The following TMCO5A variants were observed in gnomAD, a reference collection of about 807,000 sequenced individuals.
TMCO5A encodes transmembrane and coiled-coil domain-containing protein 5A.
TMCO5A carries 34 observed loss-of-function variants against 42.3 expected under a neutral mutation model. The ratio of observed to expected loss-of-function variants is 0.80; its 90% CI spans 0.61 to 1.07. TMCO5A has a LOEUF of 1.07. TMCO5A is among the 50% of genes least tolerant of loss of function. The probability of loss-of-function intolerance (pLI) is 0.00; values close to 1 mark genes in which losing one functional copy is unlikely to be tolerated. For synonymous variants in TMCO5A, 131 were observed against 115.6 expected, an observed-to-expected ratio of 1.13 and a Z score of -0.86; for missense variants, 357 against 327.9, an observed-to-expected ratio of 1.09 and a Z score of -0.69.
At chr15:37,966,735 A>G (rs1890566084) in exon 12 of TMCO5A, 2 of 702,516 alleles carry the variant, frequency 2.8e-6, no homozygotes, top group Non-Finnish European at 5.2e-6. Flanking sequence ...TCAGCAGTAA[A>G]GTCCAGAAAA....
At chr15:37,993,854 T>C in the TMCO5A span, among the ~76,000 whole-genome samples, 3 of 152,054 alleles carry the variant, frequency 2.0e-5, no homozygotes, top group African/African-American at 4.8e-5. Flanking sequence ...GCATGGGAGA[T>C]GGGTAGCTGC....
chr15:38,022,963 C>T, the TMCO5A span, among the ~76,000 whole-genome samples: 12 of 152,182 alleles, frequency 7.9e-5, no homozygotes, highest in African/African-American at 2.9e-4. Flanking sequence ...CTTGAAAACA[C>T]TCAATTGTAT....
chr15:37,957,300 T>G (rs769359954), intron 11 of TMCO5A, among the ~76,000 whole-genome samples: 1 of 152,158 alleles, frequency 6.6e-6, no homozygotes, highest in Non-Finnish European at 1.5e-5. Context: ...GAAGTCAAAT[T>G]GTCTGTGTTT....
chr15:38,037,412 G>T, the TMCO5A span, among the ~76,000 whole-genome samples: 1 of 152,170 alleles, frequency 6.6e-6, no homozygotes, highest in South Asian at 2.1e-4. Flanking sequence ...AGCACATATT[G>T]CCTCTATGAA....
At chr15:37,938,593 AT>A (rs1417814229) in intron 6 of TMCO5A, among the ~76,000 whole-genome samples, 1 of 152,068 alleles carries the variant, frequency 6.6e-6, no homozygotes, top group African/African-American at 2.4e-5. Context: ...TGTATAAAAA[AT>A]ATTGTCTCCT....
At chr15:37,993,951 CAG>C in the TMCO5A span, among the ~76,000 whole-genome samples, 1 of 152,206 alleles carries the variant, frequency 6.6e-6, no homozygotes, top group East Asian at 1.9e-4. Context: ...CTAGATCAGA[CAG>C]GTTTTGCCAG....
At chr15:37,950,266 AAAATAT>A (rs1890113048) in intron 11 of TMCO5A, among the ~76,000 whole-genome samples, 1 of 78,564 alleles carries the variant, frequency 1.3e-5, no homozygotes, top group Non-Finnish European at 3.9e-5. Context: ...CTTTTAATAG[AAAATAT>A]AAGTATATTT....
downstream of TMCO5A, among the ~76,000 whole-genome samples, chr15:37,953,315 T>C (rs186718583): frequency 3.3e-5 from 5 of 152,304 alleles, no homozygotes; most frequent in Admixed American, 3.3e-4. Context: ...CTAGTGGTTT[T>C]GGCCACAGAG....
At position 37,937,287 on chromosome 15, in the gene TMCO5A, A is replaced by G. The variant is rs1217458873; in HGVS notation, c.265-59A>G. 5.0e-6 allele frequency: 8 copies of G among 1,584,270 alleles called. No homozygotes were observed. In the African/African-American group the frequency reaches 1.1e-4, roughly 21 times the overall value. On this transcript the variant is annotated intron_variant, in intron 4 of 11. Transcript: ENST00000319669. ...GCTGGGGTGAAATGGACAGCAATCAACTGAATAAGAACAGATGGAGTACAG... is the reference window on the plus strand; with the variant it reads ...GCTGGGGTGAAATGGACAGCAATCAGCTGAATAAGAACAGATGGAGTACAG...
At chr15:37,990,038 G>A in the TMCO5A span, among the ~76,000 whole-genome samples, 4 of 151,996 alleles carry the variant, frequency 2.6e-5, no homozygotes, top group African/African-American at 9.7e-5. Flanking sequence ...CTTAATTTCT[G>A]ATCTATCATA....
At chr15:37,968,237 G>A (rs565588724), downstream of TMCO5A, among the ~76,000 whole-genome samples, 1 of 152,280 alleles carries the variant, frequency 6.6e-6, no homozygotes, top group African/African-American at 2.4e-5. Flanking sequence ...GGATCAAGAT[G>A]AACTCAGGTT....
the TMCO5A span, among the ~76,000 whole-genome samples, chr15:38,009,511 G>C: frequency 6.6e-6 from 1 of 152,198 alleles, no homozygotes; most frequent in Non-Finnish European, 1.5e-5. Flanking sequence ...CCCAGTTCAA[G>C]TGCCTCTCCT....
chr15:38,020,704 C>T, the TMCO5A span, among the ~76,000 whole-genome samples: 1 of 152,124 alleles, frequency 6.6e-6, no homozygotes, highest in South Asian at 2.1e-4. Flanking sequence ...CAAAGCATCA[C>T]ATTAAACATC....
the TMCO5A span, among the ~76,000 whole-genome samples, chr15:37,988,593 C>A: frequency 6.6e-6 from 1 of 152,014 alleles, no homozygotes; most frequent in African/African-American, 2.4e-5. Context: ...GCCCTTTCTG[C>A]ATCAATTGAG....
chr15:38,014,208 A>G, the TMCO5A span, among the ~76,000 whole-genome samples: 4 of 152,146 alleles, frequency 2.6e-5, no homozygotes, highest in African/African-American at 9.7e-5. Flanking sequence ...TAAGGCATAG[A>G]TATCTTTGGG....
chr15:37,973,536 A>T, the TMCO5A span, among the ~76,000 whole-genome samples: 1 of 151,922 alleles, frequency 6.6e-6, no homozygotes, highest in African/African-American at 2.4e-5. Flanking sequence ...CTTTCCTGGC[A>T]CTTGTGAATG....
chr15:38,032,244 C>T, the TMCO5A span, among the ~76,000 whole-genome samples: 203 of 152,294 alleles, frequency 1.3e-3, no homozygotes, highest in Non-Finnish European at 2.2e-3. Flanking sequence ...CATGAGCCAC[C>T]GCTCCCAGCA....
intron 11 of TMCO5A, among the ~76,000 whole-genome samples, chr15:37,957,889 A>C (rs370700698): frequency 1.3e-5 from 2 of 152,174 alleles, no homozygotes; most frequent in African/African-American, 4.8e-5. Flanking sequence ...GTACCAAAAC[A>C]GATATATAGA....
downstream of TMCO5A, among the ~76,000 whole-genome samples, chr15:37,954,009 A>G (rs1311180515): frequency 1.3e-5 from 2 of 151,994 alleles, no homozygotes; most frequent in Non-Finnish European, 2.9e-5. Flanking sequence ...GAAAATACAC[A>G]GTCAGAGGAC....
Sources: allele counts gnomAD v4.1 joint callset (sites outside exome capture counted in the v4.1 genomes callset), GRCh38; gene constraint gnomAD v4.1.1; transcripts MANE v1.5; gene names NCBI Gene and HGNC (gene_info 2026-07-23, HGNC 2026-07-21).